WDR7: variants seen among roughly 807,000 people sequenced by gnomAD.
The protein encoded by WDR7 is WD repeat domain 7.
Under a neutral mutation model 169.4 loss-of-function variants are expected in WDR7, and 46 were observed. That is an observed-to-expected ratio of 0.27 (90% CI 0.21 to 0.35). WDR7 has a LOEUF of 0.35. Ranked by LOEUF, WDR7 falls within the 10% of genes least tolerant of loss-of-function variation. The pLI, the probability that WDR7 is intolerant of heterozygous loss-of-function variation, is 1.00. For synonymous variants in WDR7, 612 were observed against 666.8 expected (o/e 0.92, Z 1.27); for missense variants, 1,534 against 1,859.3 (o/e 0.83, Z 3.22).
chr18:57,010,109 A>G (rs2048116904), intron 26 of WDR7: 1 of 985,416 alleles, frequency 1.0e-6, no homozygotes, highest in Non-Finnish European at 1.2e-6. Flanking sequence ...CTGCTGAGGA[A>G]CTCCATGTGG....
intron 19 of WDR7, 127 bp from the exon 20 acceptor site, chr18:56,815,904 G>T: frequency 2.9e-6 from 2 of 697,656 alleles, no homozygotes; most frequent in Non-Finnish European, 4.6e-6. Flanking sequence ...CTCTAATTTT[G>T]GTGAACATAT....
At chr18:56,868,233 A>G (rs762778911) in intron 20 of WDR7, among the ~76,000 whole-genome samples, 4 of 152,012 alleles carry the variant, frequency 2.6e-5, no homozygotes, top group Non-Finnish European at 5.9e-5. Context: ...AAAAATGGTC[A>G]CTTTTAGTCA....
chr18:57,025,961 G>C (rs1044583461), intron 27 of WDR7, among the ~76,000 whole-genome samples: 6 of 152,196 alleles, frequency 3.9e-5, no homozygotes, highest in Admixed American at 6.5e-5. Context: ...TCGAGATGGA[G>C]GTTATACTGG....
Position 56,718,066 on chromosome 18 carries a change from T to C in WDR7, c.1681T>C (p.Phe561Leu). 1 of 1,614,156 alleles carries C rather than the reference T, an allele frequency of 6.2e-7. No homozygotes were observed. The highest frequency in any genetic ancestry group is 8.5e-7 in the Non-Finnish European group (1 of 1,179,998). ...KCIMLASRHL[F>L]PIQVIKWRPS... is the part of the protein sequence containing the mutation. ...CATAATGTTGGCATCTCGTCACCTTTTTCCTATTCAAGTAATCAAATGGAG... is the reference window on the plus strand; with the variant it reads ...CATAATGTTGGCATCTCGTCACCTTCTTCCTATTCAAGTAATCAAATGGAG... Residue 561 changes from phenylalanine (F) to leucine (L), a missense_variant, in exon 13 of 28, where the codon TTT becomes CTT. Transcript: ENST00000254442.
intron 19 of WDR7, among the ~76,000 whole-genome samples, chr18:56,810,720 G>A (rs2044854205): frequency 6.6e-6 from 1 of 152,044 alleles, no homozygotes; most frequent in Non-Finnish European, 1.5e-5. Context: ...CACTGAGGTG[G>A]CATGGATACC....
chr18:57,019,580 A>G (rs1486265406), intron 26 of WDR7, among the ~76,000 whole-genome samples: 1 of 152,152 alleles, frequency 6.6e-6, no homozygotes, highest in Non-Finnish European at 1.5e-5. Context: ...TTGAAAGTCT[A>G]ATGACAAGAA....
chr18:56,757,095 G>C lies in WDR7; in HGVS notation c.2502G>C (p.Ser834=), dbSNP rs765205475. ...TGCTGAAACCCCACTGCACCGTATC[G>C]TTTGGCCTCTTGTCAAGAGGAGGCC... ...LGMLKPHCTV[S]FGLLSRGGHM... The change falls in exon 15 of 28, where the codon TCG becomes TCC. Residue 834 remains serine, a synonymous_variant. Coordinates refer to ENST00000254442, the MANE Select transcript of WDR7 (RefSeq NM_015285.3). 1.2e-6 allele frequency: 2 copies of C among 1,614,094 alleles called. No homozygotes were observed. The highest frequency in any genetic ancestry group is 2.2e-5 in the East Asian group (1 of 44,876).
intron 7 of WDR7, among the ~76,000 whole-genome samples, chr18:56,688,919 C>T (rs929442946): frequency 9.9e-5 from 15 of 151,944 alleles, no homozygotes; most frequent in African/African-American, 3.4e-4. Flanking sequence ...AGACAACTCA[C>T]GTAGTCAGAG....
chr18:57,017,437 T>C (rs1378904433), intron 26 of WDR7, among the ~76,000 whole-genome samples: 1 of 148,608 alleles, frequency 6.7e-6, no homozygotes, highest in Non-Finnish European at 1.5e-5. Context: ...TGTGTGTGTG[T>C]GTGTGTGCAT....
chr18:56,895,330 C>T (rs565850530), intron 21 of WDR7, among the ~76,000 whole-genome samples: 80 of 151,620 alleles, frequency 5.3e-4, no homozygotes, highest in African/African-American at 1.9e-3. Context: ...CCATAAAAAC[C>T]GGGAAGTAAA....
intron 26 of WDR7, among the ~76,000 whole-genome samples, chr18:56,977,568 G>A (rs2047585878): frequency 6.6e-6 from 1 of 152,176 alleles, no homozygotes; most frequent in African/African-American, 2.4e-5. Context: ...AGACAAAGTA[G>A]GTGCTTAGAA....
At chr18:56,804,965 G>A (rs2044745111) in intron 19 of WDR7, among the ~76,000 whole-genome samples, 1 of 152,134 alleles carries the variant, frequency 6.6e-6, no homozygotes, top group Admixed American at 6.6e-5. Context: ...CCAGCTCTCA[G>A]AGACCAATTT....
intron 9 of WDR7, among the ~76,000 whole-genome samples, 153 bp from the exon 10 acceptor site, chr18:56,694,466 A>C (rs2025651941): frequency 6.6e-6 from 1 of 152,190 alleles, no homozygotes; most frequent in African/African-American, 2.4e-5. Context: ...CTATAGAATT[A>C]CATTAAAATA....
chr18:57,032,840 T>TAC (rs1314159170), downstream of WDR7: 1 of 95,588 alleles, frequency 1.0e-5, no homozygotes, highest in Non-Finnish European at 2.1e-5. Context: ...TATATATATA[T>TAC]ATATACAGTG....
intron 20 of WDR7, among the ~76,000 whole-genome samples, chr18:56,858,583 G>T (rs772955709): frequency 2.0e-5 from 3 of 152,092 alleles, no homozygotes; most frequent in Non-Finnish European, 4.4e-5. Flanking sequence ...CCCCTAAGGT[G>T]CTGGGATTAC....
At chr18:56,953,042 A>G (rs2145743220) in intron 25 of WDR7, among the ~76,000 whole-genome samples, 1 of 152,354 alleles carries the variant, frequency 6.6e-6, no homozygotes, top group East Asian at 1.9e-4. Context: ...TAGAATGTAC[A>G]AAACCAAGAG....
chr18:56,844,082 C>G (rs145153379), intron 20 of WDR7, among the ~76,000 whole-genome samples: 24 of 151,618 alleles, frequency 1.6e-4, no homozygotes, highest in Non-Finnish European at 3.4e-4. Flanking sequence ...AGGCTGGTCT[C>G]GAAATCTTGA....
In WDR7 at chr18:56,708,107, C is replaced by T. The variant is rs189273931; in HGVS notation, c.1579-9857C>T. Among the ~76,000 whole-genome samples, 5 of 149,150 alleles carry T rather than the reference C, an allele frequency of 3.4e-5. No individual in the cohort carries two copies. In the East Asian group the frequency reaches 1.0e-3, roughly 30 times the overall value. ...GGAATACAGTGGCGCTATCTCTTCTCACTGCAACCTCCGCCTCCCAGGTTC... is the reference window on the plus strand; with the variant it reads ...GGAATACAGTGGCGCTATCTCTTCTTACTGCAACCTCCGCCTCCCAGGTTC... On this transcript the variant is annotated intron_variant, in intron 12 of 27. Transcript: ENST00000254442.
intron 21 of WDR7, among the ~76,000 whole-genome samples, chr18:56,897,206 G>T (rs1322063259): frequency 6.6e-6 from 1 of 151,894 alleles, no homozygotes; most frequent in Non-Finnish European, 1.5e-5. Context: ...CTTATTATAA[G>T]AATGTAAATT....
Sources: allele counts gnomAD v4.1 joint callset (sites outside exome capture counted in the v4.1 genomes callset), GRCh38; gene constraint gnomAD v4.1.1; transcripts MANE v1.5; gene names NCBI Gene and HGNC (gene_info 2026-07-23, HGNC 2026-07-21).